The following EVI5 variants were observed in gnomAD, a reference collection of about 807,000 sequenced individuals.
EVI5 encodes ecotropic viral integration site 5 protein homolog.
Under a neutral mutation model 112.0 loss-of-function variants are expected in EVI5, and 73 were observed. That is an observed-to-expected ratio of 0.65 (90% CI 0.54 to 0.79). The LOEUF is 0.79. Among genes scored for constraint, EVI5 ranks in the 30% least tolerant of loss-of-function variants. The probability of loss-of-function intolerance (pLI) is 0.00; values close to 1 mark genes in which losing one functional copy is unlikely to be tolerated. For missense variants in EVI5, 900 were observed against 968.8 expected (o/e 0.93, Z 0.94); for synonymous variants, 305 against 319.9 (o/e 0.95, Z 0.50).
At chr1:92,759,860 C>G (rs538615076) in intron 1 of EVI5, among the ~76,000 whole-genome samples, 7,552 of 96,298 alleles carry the variant, frequency 0.078, 586 homozygotes, top group African/African-American at 0.29. Flanking sequence ...CAAATACCCT[C>G]CCCCCCACAT....
At position 92,662,719 on chromosome 1, in the gene EVI5, C is replaced by A; in HGVS notation, c.1392G>T (p.Trp464Cys). Residue 464 changes from tryptophan (W) to cysteine (C), a missense_variant and splice_region_variant, in exon 13 of 20, where the codon TGG (tryptophan) becomes TGT (cysteine). By Grantham distance (215) the Trp-to-Cys change is radical (BLOSUM62 -2). Transcript: ENST00000684568. ...TIRKLQHQQQ[W>C]HKCSSNYNED... ...AGAAAAGCACTACCAGACTCCTTAC[C>A]CATTGTTGTTGGTGCTGGAGCTTCC... 8.0e-7 allele frequency: 1 copy of A among 1,255,174 alleles called. No homozygotes were observed. Among genetic ancestry groups the A allele is most frequent in the Non-Finnish European group, 1.0e-6 (1 of 973,206 alleles). 77.8% of individuals were successfully genotyped at this position (1,255,174 alleles called of 1,614,324 possible).
At chr1:92,539,470 G>C (rs913246058) in intron 19 of EVI5, among the ~76,000 whole-genome samples, 1 of 150,756 alleles carries the variant, frequency 6.6e-6, no homozygotes, top group Non-Finnish European at 1.5e-5. Context: ...GGGAACCCGG[G>C]AGGCGGAACT....
intron 2 of EVI5, among the ~76,000 whole-genome samples, chr1:92,728,260 A>G (rs1051312025): frequency 2.6e-5 from 4 of 152,188 alleles, no homozygotes; most frequent in African/African-American, 9.6e-5. Flanking sequence ...TAAATCCACA[A>G]TTATAATTTG....
At chr1:92,777,643 C>T (rs986494969) in intron 1 of EVI5, among the ~76,000 whole-genome samples, 11 of 152,172 alleles carry the variant, frequency 7.2e-5, no homozygotes, top group Admixed American at 2.0e-4. Flanking sequence ...GAGGAGACAA[C>T]AATGGAGGAC....
At position 92,513,149 on chromosome 1, in the gene EVI5, A is replaced by G. The variant is rs1331878273; in HGVS notation, c.*507T>C. The G allele has an allele frequency of 1.7e-5, 2 of 119,576 alleles. No individual in the cohort carries two copies. The highest frequency in any genetic ancestry group is 5.6e-5 in the African/African-American group (2 of 35,848). The allele number at this position is 119,576 out of a possible 1,614,324, so 7.4% of individuals were successfully genotyped here. A position where few individuals can be genotyped will look rare whatever the true frequency, so the allele number is the denominator to read the frequency against. ...GGTGACAGACTGAATCTCTGTCTTAAAAAAAAAAACAACAATAAAAAAAAA... is the reference window on the plus strand; with the variant it reads ...GGTGACAGACTGAATCTCTGTCTTAGAAAAAAAAACAACAATAAAAAAAAA... On this transcript the variant is annotated 3_prime_UTR_variant, in exon 20 of 20. Coordinates refer to ENST00000684568, the MANE Select transcript of EVI5 (RefSeq NM_001350197.2).
intron 19 of EVI5, among the ~76,000 whole-genome samples, chr1:92,525,126 G>C (rs984737056): frequency 6.6e-6 from 1 of 151,918 alleles, no homozygotes; most frequent in African/African-American, 2.4e-5. Context: ...CTGGCGCCCA[G>C]CCAGATTAAG....
chr1:92,785,489 A>G (rs2103134978), upstream of EVI5, among the ~76,000 whole-genome samples: 1 of 152,252 alleles, frequency 6.6e-6, no homozygotes, highest in Non-Finnish European at 1.5e-5. Flanking sequence ...GGCAGCCCCG[A>G]GCTCCCCCAG....
At chr1:92,745,570 T>TTG (rs1175130273) in intron 1 of EVI5, among the ~76,000 whole-genome samples, 2 of 151,962 alleles carry the variant, frequency 1.3e-5, no homozygotes, top group Non-Finnish European at 2.9e-5. Flanking sequence ...TCCCAACACT[T>TTG]TGGGAGGCAG....
intron 1 of EVI5, chr1:92,756,954 G>A (rs1387656987): frequency 6.5e-6 from 2 of 307,418 alleles, no homozygotes; most frequent in Non-Finnish European, 1.3e-5. Context: ...TGCTTTGAAA[G>A]GTGATTATGT....
At chr1:92,710,997 C>T (rs149667092) in intron 2 of EVI5, among the ~76,000 whole-genome samples, 4 of 152,230 alleles carry the variant, frequency 2.6e-5, no homozygotes, top group African/African-American at 9.6e-5. Flanking sequence ...AACTTCTTAT[C>T]GAGATGCCAC....
At chr1:92,524,504 A>G (rs1661514303) in intron 19 of EVI5, among the ~76,000 whole-genome samples, 4 of 152,232 alleles carry the variant, frequency 2.6e-5, no homozygotes. Flanking sequence ...CCTTTAAGAT[A>G]TGACCTATTC....
chr1:92,784,705 G>A, intron 1 of EVI5, 131 bp downstream of exon 1: 1 of 619,256 alleles, frequency 1.6e-6, no homozygotes, highest in Non-Finnish European at 2.0e-6. Flanking sequence ...AGGCGCGCCC[G>A]CCCCGCTCCC....
rs555412478 is a variant in EVI5, at chr1:92,608,033, C to T, written c.1828-306G>A. Among the ~76,000 whole-genome samples, 234 of 151,646 alleles carry T rather than the reference C, an allele frequency of 1.5e-3. 2 individuals carry two copies. The highest frequency in any genetic ancestry group is 6.8e-3 in the Middle Eastern group (2 of 294). The stretch of plus-strand genomic sequence containing the variant: ...AGGCATGGTGGCGGGCACCTGTAGT[C>T]CCAGGTACTCGGGAGGCTGAAGCTG... On this transcript the variant is annotated intron_variant, in intron 16 of 19. Coordinates refer to ENST00000684568, the MANE Select transcript of EVI5 (RefSeq NM_001350197.2).
chr1:92,772,301 T>C (rs893358443), intron 1 of EVI5, among the ~76,000 whole-genome samples: 23 of 151,994 alleles, frequency 1.5e-4, no homozygotes, highest in Non-Finnish European at 2.8e-4. Context: ...TTTTAACAGA[T>C]ATAAAAAGAA....
intron 13 of EVI5, among the ~76,000 whole-genome samples, chr1:92,643,290 TC>T (rs1166431503): frequency 2.3e-5 from 2 of 86,192 alleles, no homozygotes; most frequent in African/African-American, 8.9e-5. Flanking sequence ...TTAACTCAAA[TC>T]TTTTTTTTTT....
chr1:92,728,982 G>A (rs993270911), intron 2 of EVI5, among the ~76,000 whole-genome samples: 5 of 151,926 alleles, frequency 3.3e-5, no homozygotes, highest in South Asian at 2.1e-4. Flanking sequence ...ACTTAATAAC[G>A]GCCCCAAACC....
intron 1 of EVI5, among the ~76,000 whole-genome samples, chr1:92,767,776 G>A (rs1249885124): frequency 6.6e-6 from 1 of 152,130 alleles, no homozygotes; most frequent in Non-Finnish European, 1.5e-5. Context: ...AATTTATACA[G>A]ACTCAAATAA....
rs1489871206 is a variant in EVI5, at chr1:92,694,277, A to G, written c.999+22T>C. On this transcript the variant is annotated intron_variant, in intron 8 of 19. Coordinates refer to ENST00000684568, the MANE Select transcript of EVI5 (RefSeq NM_001350197.2). ...TAAACTCTGTCTCAAAAAAAAAAAA[A>G]GAAAATAAATTATGAACTTACCTGT... The G allele has an allele frequency of 2.8e-6, 4 of 1,439,684 alleles. No individual in the cohort carries two copies. The South Asian group carries it at 4.9e-5, about 18-fold the overall frequency. 89.2% of individuals were successfully genotyped at this position (1,439,684 alleles called of 1,614,324 possible). A position where few individuals can be genotyped will look rare whatever the true frequency, so the allele number is the denominator to read the frequency against.
chr1:92,594,604 G>C lies in EVI5; in HGVS notation c.2070+10703C>G, dbSNP rs543082879. 6.6e-5 allele frequency among the ~76,000 whole-genome samples: 10 copies of C among 151,586 alleles called. No individual in the cohort carries two copies. In the South Asian group the frequency reaches 2.1e-3, roughly 32 times the overall value. ...ACTAAAGAGCTTCTGCACAGCAAAA[G>C]AAACTACCATCAGAGTGAACAGGCA... is the stretch of plus-strand genomic sequence containing the variant. On this transcript the variant is annotated intron_variant, in intron 18 of 19. Coordinates refer to ENST00000684568, the MANE Select transcript of EVI5 (RefSeq NM_001350197.2).
Sources: gnomAD v4.1 joint callset for allele counts (sites outside exome capture counted in the v4.1 genomes callset) on GRCh38, gnomAD v4.1.1 for gene constraint, MANE v1.5 for transcripts, NCBI Gene and HGNC (gene_info 2026-07-23, HGNC 2026-07-21) for gene names.